DEPDC1B: variants seen among roughly 807,000 people sequenced by gnomAD.
DEPDC1B encodes DEP domain-containing protein 1B.
In DEPDC1B, 51 loss-of-function variants were observed where a neutral mutation model predicts 66.5. The observed-to-expected ratio is 0.77, with a 90% confidence interval of 0.61 to 0.97. The LOEUF (loss-of-function observed/expected upper bound fraction) is 0.97. DEPDC1B is among the 50% of genes least tolerant of loss of function. The probability of loss-of-function intolerance (pLI) is 0.00; values close to 1 mark genes in which losing one functional copy is unlikely to be tolerated. For missense variants in DEPDC1B, 552 were observed against 637.1 expected (o/e 0.87, Z 1.44); for synonymous variants, 226 against 223.6 (o/e 1.01, Z -0.10).
At chr5:60,659,760 C>G (rs1044644058) in intron 2 of DEPDC1B, among the ~76,000 whole-genome samples, 8 of 152,192 alleles carry the variant, frequency 5.3e-5, no homozygotes, top group Non-Finnish European at 1.0e-4. Flanking sequence ...TTCCTTTGAT[C>G]CCTGCCTTCT....
At chr5:60,654,120 TG>T (rs1161824461) in intron 2 of DEPDC1B, among the ~76,000 whole-genome samples, 1 of 149,178 alleles carries the variant, frequency 6.7e-6, no homozygotes, top group Non-Finnish European at 1.5e-5. Context: ...ATTTTAGGAT[TG>T]TTTTTACTAG....
At chr5:60,637,567 A>G (rs1753072153) in intron 7 of DEPDC1B, among the ~76,000 whole-genome samples, 1 of 152,212 alleles carries the variant, frequency 6.6e-6, no homozygotes, top group South Asian at 2.1e-4. Context: ...CAGTTGCTGT[A>G]ATAGGAATCT....
At chr5:60,599,286 A>G (rs890186480) in intron 9 of DEPDC1B, 26 bp from the exon 10 acceptor site, 1 of 1,515,758 alleles carries the variant, frequency 6.6e-7, no homozygotes. Context: ...TAGTAGTGAA[A>G]GAATATAGCA....
chr5:60,651,963 A>ATTGTTTGTTGTTATCTTGCTGGTTTG (rs1554053946), intron 2 of DEPDC1B, among the ~76,000 whole-genome samples: 1 of 150,460 alleles, frequency 6.6e-6, no homozygotes, highest in African/African-American at 2.5e-5. Flanking sequence ...ATTTGAAAAG[A>ATTGTTTGTTGTTATCTTGCTGGTTTG]AGAGCTTTAT....
intron 1 of DEPDC1B, 58 bp from the exon 2 acceptor site, chr5:60,687,285 C>T (rs1415775599): frequency 9.1e-6 from 14 of 1,533,368 alleles, no homozygotes; most frequent in Middle Eastern, 3.5e-4. Context: ...AAGATTACTA[C>T]ATCTCAAATA....
At position 60,604,218 on chromosome 5, in the gene DEPDC1B, C is replaced by CTTTTTTTTTTTTTTTTTTTTTT. The variant is rs869142199; in HGVS notation, c.1066-673_1066-652dup. On this transcript the variant is annotated intron_variant, in intron 8 of 10. Coordinates refer to ENST00000265036, the MANE Select transcript of DEPDC1B (RefSeq NM_018369.3). ...TTCCATAGAATTGAAATTAACTATT[C>CTTTTTTTTTTTTTTTTTTTTTT]TTTTTTTTTTTTTTTTTTTTTTTAC... is the stretch of plus-strand genomic sequence containing the variant. 1.3e-4 allele frequency among the ~76,000 whole-genome samples: 9 copies of CTTTTTTTTTTTTTTTTTTTTTT among 68,970 alleles called. 1 individual carries two copies. The highest frequency in any genetic ancestry group is 2.0e-4 in the Non-Finnish European group (7 of 35,538). 45.2% of individuals were successfully genotyped at this position (68,970 alleles called of 152,430 possible). A position where few individuals can be genotyped will look rare whatever the true frequency, so the allele number is the denominator to read the frequency against.
At chr5:60,615,634 A>C (rs969259951) in intron 7 of DEPDC1B, among the ~76,000 whole-genome samples, 1 of 152,178 alleles carries the variant, frequency 6.6e-6, no homozygotes, top group African/African-American at 2.4e-5. Context: ...TGAGTAGGTA[A>C]AGCAGCCGGG....
At chr5:60,613,004 C>A (rs1222802433) in intron 7 of DEPDC1B, among the ~76,000 whole-genome samples, 1 of 152,186 alleles carries the variant, frequency 6.6e-6, no homozygotes, top group Non-Finnish European at 1.5e-5. Context: ...CAACATGCTA[C>A]TTTTTAAATG....
At chr5:60,612,421 T>TAA (rs564965370) in intron 7 of DEPDC1B, among the ~76,000 whole-genome samples, 7 of 97,304 alleles carry the variant, frequency 7.2e-5, no homozygotes, top group South Asian at 3.2e-4. Flanking sequence ...AGACTCCACC[T>TAA]AAAAAAAAAA....
intron 2 of DEPDC1B, among the ~76,000 whole-genome samples, chr5:60,668,136 TTTATATATATATAAAATGGATA>T (rs1753933171): frequency 2.0e-4 from 12 of 59,268 alleles, no homozygotes; most frequent in African/African-American, 1.0e-3. Flanking sequence ...AAATGGATAT[TTTATATATATATAAAATGGATA>T]TTATATATAT....
intron 2 of DEPDC1B, among the ~76,000 whole-genome samples, chr5:60,680,627 A>G (rs1754277370): frequency 6.6e-6 from 1 of 152,238 alleles, no homozygotes; most frequent in Non-Finnish European, 1.5e-5. Context: ...ACAAATAGAT[A>G]AAGGAAACCA....
At chr5:60,698,538 CA>C (rs1754705155) in intron 1 of DEPDC1B, among the ~76,000 whole-genome samples, 1 of 152,204 alleles carries the variant, frequency 6.6e-6, no homozygotes, top group Non-Finnish European at 1.5e-5. Flanking sequence ...ATTTGTGGCA[CA>C]TGAGTGACCT....
chr5:60,689,938 A>T (rs917067090), intron 1 of DEPDC1B, among the ~76,000 whole-genome samples: 1 of 152,164 alleles, frequency 6.6e-6, no homozygotes, highest in African/African-American at 2.4e-5. Flanking sequence ...GCTACTTGGC[A>T]GACTGAGCGG....
chr5:60,625,727 T>C (rs749157940), intron 7 of DEPDC1B, among the ~76,000 whole-genome samples: 1 of 152,198 alleles, frequency 6.6e-6, no homozygotes, highest in African/African-American at 2.4e-5. Context: ...TCCAATTACA[T>C]GTATATTAGA....
At chr5:60,650,673 C>T (rs1753428362) in intron 2 of DEPDC1B, among the ~76,000 whole-genome samples, 1 of 152,184 alleles carries the variant, frequency 6.6e-6, no homozygotes, top group Non-Finnish European at 1.5e-5. Context: ...AAAGTATGGA[C>T]TGTTCAATAA....
chr5:60,644,719 T>A, intron 5 of DEPDC1B, 26 bp downstream of exon 5: 1 of 1,571,820 alleles, frequency 6.4e-7, no homozygotes, highest in East Asian at 2.3e-5. Flanking sequence ...TGTCAATAAG[T>A]AACAAAATTA....
intron 7 of DEPDC1B, among the ~76,000 whole-genome samples, chr5:60,617,222 G>GC (rs1752579396): frequency 6.6e-6 from 1 of 152,164 alleles, no homozygotes; most frequent in Admixed American, 6.5e-5. Context: ...GGAAGAAACT[G>GC]CATCAACTAA....
intron 7 of DEPDC1B, among the ~76,000 whole-genome samples, chr5:60,635,876 C>T (rs1254683370): frequency 6.6e-6 from 1 of 152,166 alleles, no homozygotes; most frequent in East Asian, 1.9e-4. Flanking sequence ...CAGGTCAAAT[C>T]AGACGTTTTC....
chr5:60,618,241 A>G (rs1024769242), intron 7 of DEPDC1B, among the ~76,000 whole-genome samples: 3 of 152,212 alleles, frequency 2.0e-5, no homozygotes. Context: ...GAGAAGCAAG[A>G]GCAAACACAT....
Sources: gnomAD v4.1 joint callset for allele counts (sites outside exome capture counted in the v4.1 genomes callset) on GRCh38, gnomAD v4.1.1 for gene constraint, MANE v1.5 for transcripts, NCBI Gene and HGNC (gene_info 2026-07-23, HGNC 2026-07-21) for gene names.